The following CADM2 variants were observed in gnomAD, a reference collection of about 807,000 sequenced individuals.
CADM2 encodes the protein cell adhesion molecule 2, also known as immunoglobulin superfamily member 4D.
CADM2 carries 12 observed loss-of-function variants against 49.8 expected under a neutral mutation model. That is an observed-to-expected ratio of 0.24 (90% CI 0.15 to 0.39). CADM2 has a LOEUF of 0.39. Ranked by LOEUF, CADM2 falls within the 10% of genes least tolerant of loss-of-function variation. The pLI, the probability that CADM2 is intolerant of heterozygous loss-of-function variation, is 1.00. For synonymous variants in CADM2, 214 were observed against 175.4 expected (o/e 1.22, Z -1.74); for missense variants, 378 against 492.3 (o/e 0.77, Z 2.20).
intron 1 of CADM2, among the ~76,000 whole-genome samples, chr3:85,695,436 G>T (rs2066520512): frequency 6.6e-6 from 1 of 151,840 alleles, no homozygotes; most frequent in African/African-American, 2.4e-5. Flanking sequence ...GTGTTATTTG[G>T]TTTTCCATTC....
At chr3:85,846,172 TAGA>T (rs1413632009) in intron 3 of CADM2, among the ~76,000 whole-genome samples, 2 of 152,204 alleles carry the variant, frequency 1.3e-5, no homozygotes, top group Admixed American at 1.3e-4. Context: ...GTCATAAGAA[TAGA>T]AGGTTTTTAC....
chr3:85,050,714 A>AGCGGG lies in CADM2; in HGVS notation c.61+91049_61+91050insGGGCG, dbSNP rs1299083777. ...GATAACTATAGAAAAATTTGCCACA[A>AGCGGG]GCGATATCTGCACCTAATTCTATAT... On this transcript the variant is annotated intron_variant, in intron 1 of 9. Transcript: ENST00000383699. 2.0e-5 allele frequency among the ~76,000 whole-genome samples: 3 copies of AGCGGG among 152,176 alleles called. No homozygotes were observed. The East Asian group carries it at 5.8e-4, about 29-fold the overall frequency.
At chr3:85,342,234 T>C (rs1185918086) in intron 1 of CADM2, among the ~76,000 whole-genome samples, 2 of 152,064 alleles carry the variant, frequency 1.3e-5, no homozygotes, top group Non-Finnish European at 2.9e-5. Context: ...AAAGAAGACA[T>C]TTATGCAGCC....
intron 1 of CADM2, among the ~76,000 whole-genome samples, chr3:85,273,839 A>G (rs1576257851): frequency 6.6e-6 from 1 of 151,588 alleles, no homozygotes; most frequent in South Asian, 2.1e-4. Context: ...AAACCATGAT[A>G]TTGGATGAAA....
At chr3:85,038,925 T>C (rs78246656) in intron 1 of CADM2, among the ~76,000 whole-genome samples, 3,187 of 152,320 alleles carry the variant, frequency 0.021, 65 homozygotes, top group East Asian at 0.08. Flanking sequence ...TATAAATCCA[T>C]ACTGAATGGA....
chr3:85,083,387 T>C (rs1409997189), intron 1 of CADM2, among the ~76,000 whole-genome samples: 1 of 152,168 alleles, frequency 6.6e-6, no homozygotes, highest in Non-Finnish European at 1.5e-5. Flanking sequence ...AATGAATTTA[T>C]TCCATGTAAC....
At chr3:85,938,406 C>T (rs1364602686) in intron 7 of CADM2, among the ~76,000 whole-genome samples, 1 of 151,728 alleles carries the variant, frequency 6.6e-6, no homozygotes, top group East Asian at 1.9e-4. Context: ...GTGAAGACAG[C>T]CACTAAAGGA....
intron 6 of CADM2, among the ~76,000 whole-genome samples, chr3:85,918,571 G>A (rs1275489463): frequency 1.3e-5 from 2 of 152,062 alleles, no homozygotes; most frequent in Admixed American, 6.5e-5. Context: ...TTTTATTGAG[G>A]ATTTTTGCAT....
In CADM2 at chr3:85,344,997, C is replaced by G. The variant is rs572336176; in HGVS notation, c.62-381525C>G. On this transcript the variant is annotated intron_variant, in intron 1 of 9. Transcript: ENST00000383699. ...ACACTATCTGATACATATGGTAGCT[C>G]ATATATATCAAGCATGATGTAATTT... Among the ~76,000 whole-genome samples, 5 of 152,078 alleles carry G rather than the reference C, an allele frequency of 3.3e-5. No homozygotes were observed. In the South Asian group the frequency reaches 1.0e-3, roughly 32 times the overall value.
intron 1 of CADM2, among the ~76,000 whole-genome samples, chr3:85,481,331 T>G (rs2039201760): frequency 6.6e-6 from 1 of 151,244 alleles, no homozygotes; most frequent in African/African-American, 2.4e-5. Flanking sequence ...AAGAGTTAAT[T>G]TATCACCAAT....
At chr3:85,845,447 C>T (rs72908598) in intron 3 of CADM2, among the ~76,000 whole-genome samples, 4 of 152,070 alleles carry the variant, frequency 2.6e-5, no homozygotes, top group African/African-American at 9.7e-5. Flanking sequence ...GATCACTTAC[C>T]AGATGTTTCT....
chr3:85,398,151 C>G (rs1456889696), intron 1 of CADM2, among the ~76,000 whole-genome samples: 2 of 151,854 alleles, frequency 1.3e-5, no homozygotes, highest in African/African-American at 4.8e-5. Flanking sequence ...TGCTTTCCCT[C>G]CCCCCTTCCC....
chr3:85,960,464 A>G (rs888227241), intron 7 of CADM2, among the ~76,000 whole-genome samples: 10 of 151,972 alleles, frequency 6.6e-5, no homozygotes, highest in Admixed American at 2.0e-4. Flanking sequence ...AGCAGGAGGT[A>G]CTAGATGAAG....
chr3:85,560,470 C>A (rs531122580), intron 1 of CADM2, among the ~76,000 whole-genome samples: 1 of 152,300 alleles, frequency 6.6e-6, no homozygotes, highest in East Asian at 1.9e-4. Context: ...TGGCTTATTT[C>A]TTATATGACT....
chr3:86,053,920 A>G (rs1162149395), intron 8 of CADM2, among the ~76,000 whole-genome samples: 1 of 152,058 alleles, frequency 6.6e-6, no homozygotes, highest in Non-Finnish European at 1.5e-5. Context: ...TGTATATATT[A>G]TCTGATCTGT....
intron 1 of CADM2, among the ~76,000 whole-genome samples, chr3:85,364,458 T>G (rs562210205): frequency 6.6e-6 from 1 of 152,240 alleles, no homozygotes; most frequent in South Asian, 2.1e-4. Flanking sequence ...ACTATAGATA[T>G]CCATCAAAGT....
intron 1 of CADM2, among the ~76,000 whole-genome samples, chr3:85,502,682 A>G (rs2040168377): frequency 6.6e-6 from 1 of 152,120 alleles, no homozygotes; most frequent in African/African-American, 2.4e-5. Context: ...ATGATGAATT[A>G]CCTTATTATA....
intron 8 of CADM2, among the ~76,000 whole-genome samples, chr3:86,063,159 C>T (rs1231580896): frequency 6.6e-6 from 1 of 152,128 alleles, no homozygotes; most frequent in Non-Finnish European, 1.5e-5. Context: ...AAAGTTCCAT[C>T]AAACCAAGGT....
intron 1 of CADM2, among the ~76,000 whole-genome samples, chr3:85,706,035 G>C (rs944215733): frequency 1.3e-5 from 2 of 152,058 alleles, no homozygotes; most frequent in African/African-American, 4.8e-5. Context: ...TATATTCGTA[G>C]AAATAAGTTA....
Sources: gnomAD v4.1 joint callset for allele counts (sites outside exome capture counted in the v4.1 genomes callset) on GRCh38, gnomAD v4.1.1 for gene constraint, MANE v1.5 for transcripts, NCBI Gene and HGNC (gene_info 2026-07-23, HGNC 2026-07-21) for gene names.